The following CXCL13 variants were observed in gnomAD, a reference collection of about 807,000 sequenced individuals.
The protein encoded by CXCL13 is C-X-C motif chemokine 13.
CXCL13 carries 7 observed loss-of-function variants against 12.2 expected under a neutral mutation model. The ratio of observed to expected loss-of-function variants is 0.57; its 90% confidence interval spans 0.33 to 1.07. CXCL13 has a LOEUF of 1.07. Ranked by LOEUF, CXCL13 falls within the 50% of genes least tolerant of loss-of-function variation. CXCL13 has a pLI of 0.04. For synonymous variants in CXCL13, 47 were observed against 42.4 expected, an observed-to-expected ratio of 1.11 and a Z score of -0.42; for missense variants, 113 against 127.4, an observed-to-expected ratio of 0.89 and a Z score of 0.55.
chr4:77,521,144 C>T (rs188226250), intron 1 of CXCL13, among the ~76,000 whole-genome samples: 26 of 152,188 alleles, frequency 1.7e-4, no homozygotes, highest in African/African-American at 2.9e-4. Flanking sequence ...GATTTTCACA[C>T]GGGTGTTCAT....
chr4:77,549,615 G>A (rs994329088), intron 1 of CXCL13, among the ~76,000 whole-genome samples: 13 of 152,174 alleles, frequency 8.5e-5, no homozygotes, highest in Non-Finnish European at 1.5e-4. Context: ...TTCTTTTGGA[G>A]TTTGCTGGAG....
At chr4:77,577,344 A>C (rs1478515184) in intron 1 of CXCL13, among the ~76,000 whole-genome samples, 1 of 152,108 alleles carries the variant, frequency 6.6e-6, no homozygotes, top group Non-Finnish European at 1.5e-5. Context: ...TATAATAAGG[A>C]GTTCATCCAA....
chr4:77,520,151 TGCCTCCA>T (rs896368951), intron 1 of CXCL13, among the ~76,000 whole-genome samples: 9 of 152,236 alleles, frequency 5.9e-5, no homozygotes, highest in Admixed American at 5.9e-4. Context: ...GGTAGCGTGA[TGCCTCCA>T]GCTTCATTCT....
At chr4:77,524,634 C>T (rs1724715274) in intron 1 of CXCL13, among the ~76,000 whole-genome samples, 1 of 152,090 alleles carries the variant, frequency 6.6e-6, no homozygotes, top group Non-Finnish European at 1.5e-5. Context: ...TTGCAGCTTC[C>T]CTTGGCTAGG....
chr4:77,562,100 C>T (rs1049165365), intron 1 of CXCL13, among the ~76,000 whole-genome samples: 7 of 152,106 alleles, frequency 4.6e-5, no homozygotes, highest in African/African-American at 1.7e-4. Flanking sequence ...TCAGCTGCCT[C>T]CCTGTGGGGA....
chr4:77,532,370 T>C (rs913825618), intron 1 of CXCL13, among the ~76,000 whole-genome samples: 1 of 152,336 alleles, frequency 6.6e-6, no homozygotes, highest in African/African-American at 2.4e-5. Flanking sequence ...TGTTGAATAT[T>C]GGCCCCACTC....
intron 1 of CXCL13, among the ~76,000 whole-genome samples, chr4:77,554,443 T>A (rs1725612675): frequency 1.3e-5 from 2 of 152,136 alleles, no homozygotes; most frequent in South Asian, 4.1e-4. Context: ...TTACAGAGCT[T>A]CAAATATACA....
chr4:77,536,593 T>C (rs1725062911), intron 1 of CXCL13, among the ~76,000 whole-genome samples: 1 of 152,192 alleles, frequency 6.6e-6, no homozygotes, highest in Non-Finnish European at 1.5e-5. Flanking sequence ...TCAAATTAGT[T>C]AATAAAGATA....
intron 1 of CXCL13, among the ~76,000 whole-genome samples, chr4:77,539,840 C>T (rs1279208995): frequency 1.3e-5 from 2 of 152,110 alleles, no homozygotes; most frequent in Non-Finnish European, 2.9e-5. Context: ...GGCTGCCTGA[C>T]ATTCCTGGTG....
At chr4:77,574,771 T>A (rs1037278495) in intron 1 of CXCL13, among the ~76,000 whole-genome samples, 9 of 151,890 alleles carry the variant, frequency 5.9e-5, no homozygotes, top group Admixed American at 2.6e-4. Context: ...CCGTTGTGTG[T>A]GTGATGTCTA....
At chr4:77,528,385 A>G (rs371335929) in intron 1 of CXCL13, among the ~76,000 whole-genome samples, 24 of 152,268 alleles carry the variant, frequency 1.6e-4, no homozygotes, top group South Asian at 6.2e-4. Flanking sequence ...CTAGTTTACA[A>G]TCCCACCAAC....
chr4:77,549,045 T>A (rs1184323715), intron 1 of CXCL13, among the ~76,000 whole-genome samples: 1 of 152,200 alleles, frequency 6.6e-6, no homozygotes, highest in Non-Finnish European at 1.5e-5. Flanking sequence ...TTTTTACTCT[T>A]TTTTTCTCTA....
At chr4:77,552,835 G>A (rs1479534390) in intron 1 of CXCL13, among the ~76,000 whole-genome samples, 1 of 152,198 alleles carries the variant, frequency 6.6e-6, no homozygotes, top group East Asian at 1.9e-4. Flanking sequence ...AAACAGAGAG[G>A]GTCCCACTGC....
At chr4:77,512,967 C>T (rs547674545) in intron 1 of CXCL13, among the ~76,000 whole-genome samples, 4 of 152,132 alleles carry the variant, frequency 2.6e-5, no homozygotes, top group East Asian at 3.9e-4. Context: ...TGTGATGTTC[C>T]CCATCCTGTG....
rs1725166669 is a variant in CXCL13, at chr4:77,540,203, T to C, written c.-43+28415T>C. Among the ~76,000 whole-genome samples the C allele has an allele frequency of 2.0e-5, 3 of 152,136 alleles. No individual in the cohort carries two copies. The South Asian group carries it at 6.2e-4, about 32-fold the overall frequency. On this transcript the variant is annotated intron_variant, in intron 1 of 4. Transcript: ENST00000286758. ...AAAATTTTTATACACTTCATGAGGGTTCTGCAAGACCTAACTGTGGTATTT... is the reference window on the plus strand; with the variant it reads ...AAAATTTTTATACACTTCATGAGGGCTCTGCAAGACCTAACTGTGGTATTT...
chr4:77,515,906 C>A (rs1724404750), intron 1 of CXCL13, among the ~76,000 whole-genome samples: 2 of 152,150 alleles, frequency 1.3e-5, no homozygotes, highest in Admixed American at 6.5e-5. Context: ...GGGAATGCTT[C>A]CAGTTTTTGC....
chr4:77,557,026 A>G (rs1391665148), intron 1 of CXCL13, among the ~76,000 whole-genome samples: 1 of 152,154 alleles, frequency 6.6e-6, no homozygotes, highest in African/African-American at 2.4e-5. Context: ...ACTGTCTCTA[A>G]AAAATAAAAG....
rs370150163 is a variant in CXCL13 at position 77,595,332 on chromosome 4, G to A, written c.-42-10492G>A. The stretch of plus-strand genomic sequence containing the variant: ...TTTGTACTTTTAAACTCAGGGCCAG[G>A]ATGTATTGAGTTTAGAAACCCAAGT... On this transcript the variant is annotated intron_variant, in intron 1 of 4. Transcript: ENST00000286758. Among the ~76,000 whole-genome samples the A allele has an allele frequency of 5.9e-5, 9 of 152,244 alleles. No homozygotes were observed. The East Asian group carries it at 1.2e-3, about 20-fold the overall frequency.
At chr4:77,574,880 T>A (rs1350845524) in intron 1 of CXCL13, among the ~76,000 whole-genome samples, 1 of 151,992 alleles carries the variant, frequency 6.6e-6, no homozygotes, top group African/African-American at 2.4e-5. Context: ...TTTAAGTTCA[T>A]GTAACTTTAA....
Sources: gnomAD v4.1 joint callset for allele counts (sites outside exome capture counted in the v4.1 genomes callset) on GRCh38, gnomAD v4.1.1 for gene constraint, MANE v1.5 for transcripts, NCBI Gene and HGNC (gene_info 2026-07-23, HGNC 2026-07-21) for gene names.